SCEL: variants seen among roughly 807,000 people sequenced by gnomAD.
The protein encoded by SCEL is sciellin.
Under a neutral mutation model 117.6 loss-of-function variants are expected in SCEL, and 113 were observed. That is an observed-to-expected ratio of 0.96 (90% CI 0.83 to 1.12). SCEL has a LOEUF of 1.12. SCEL is among the 50% of genes most tolerant of loss of function. The probability of loss-of-function intolerance (pLI) is 0.00; values close to 1 mark genes in which losing one functional copy is unlikely to be tolerated. For missense variants in SCEL, 785 were observed against 810.8 expected, an observed-to-expected ratio of 0.97 and a Z score of 0.39; for synonymous variants, 270 against 256.2, an observed-to-expected ratio of 1.05 and a Z score of -0.51.
At position 77,609,076 on chromosome 13, in the gene SCEL, C is replaced by T. The variant is rs759327756; in HGVS notation, c.1236C>T (p.Asn412=). 1 of 1,593,354 alleles carries T rather than the reference C, an allele frequency of 6.3e-7. No individual in the cohort carries two copies. Among genetic ancestry groups the T allele is most frequent in the Middle Eastern group, 1.7e-4 (1 of 5,930 alleles). ...RSNQGSKDLN[N]FIKVYPGTEK... ...TTTGAAGTTCCAAAGACCTTAATAA[C>T]TTCATCAAAGTGTATCCAGGAACAG... The change falls in exon 21 of 33, where the codon AAC becomes AAT. Residue 412 remains asparagine (N), a synonymous_variant. Transcript: ENST00000349847.
chr13:77,616,266 ATT>A (rs1567423277), intron 24 of SCEL, among the ~76,000 whole-genome samples: 1 of 152,014 alleles, frequency 6.6e-6, no homozygotes. Context: ...ACTAACCAAT[ATT>A]GTGATTAATT....
chr13:77,627,843 A>G (rs2089822100), intron 27 of SCEL, 104 bp from the exon 28 acceptor site: 3 of 340,996 alleles, frequency 8.8e-6, no homozygotes, highest in Middle Eastern at 9.8e-4. Flanking sequence ...TAGACCACAA[A>G]TGACTGTGTC....
At chr13:77,572,313 T>G in intron 9 of SCEL, 124 bp downstream of exon 9, 3 of 728,610 alleles carry the variant, frequency 4.1e-6, no homozygotes, top group Non-Finnish European at 4.5e-6. Flanking sequence ...CTCTCAGCTC[T>G]GTACAGGAGA....
chr13:77,538,682 C>CT (rs2083540787), intron 1 of SCEL, among the ~76,000 whole-genome samples: 1 of 152,132 alleles, frequency 6.6e-6, no homozygotes, highest in African/African-American at 2.4e-5. Flanking sequence ...TCAATGACAA[C>CT]TGGTTTACTT....
intron 27 of SCEL, among the ~76,000 whole-genome samples, chr13:77,621,739 G>A (rs2089437190): frequency 6.6e-6 from 1 of 152,176 alleles, no homozygotes; most frequent in African/African-American, 2.4e-5. Flanking sequence ...CTTAGAGAAA[G>A]TCTAGCCTTC....
intron 9 of SCEL, among the ~76,000 whole-genome samples, chr13:77,580,993 T>G (rs2086233327): frequency 6.6e-6 from 1 of 152,172 alleles, no homozygotes; most frequent in African/African-American, 2.4e-5. Context: ...TATATTTTTC[T>G]GTCTGTAACT....
chr13:77,567,713 T>C lies in SCEL; in HGVS notation c.324T>C (p.Tyr108=), dbSNP rs752431553. 1.6e-5 allele frequency: 26 copies of C among 1,608,860 alleles called. No homozygotes were observed. The highest frequency in any genetic ancestry group is 1.6e-4 in the Middle Eastern group (1 of 6,068). Reference sequence around the variant, plus strand: ...ACAGAAATGATGCTGCTAAAACATATAAGGCCAATACCTTGGATAACCAAC... The same window carrying C: ...ACAGAAATGATGCTGCTAAAACATACAAGGCCAATACCTTGGATAACCAAC... ...ISDRNDAAKT[Y]KANTLDNQLT... Residue 108 remains tyrosine (Y), a synonymous_variant, in exon 6 of 33, where the codon TAT becomes TAC. Coordinates refer to ENST00000349847, the MANE Select transcript of SCEL (RefSeq NM_144777.3).
At chr13:77,593,300 G>GTGCGCGCGCGCGTC (rs1555510800) in intron 11 of SCEL, among the ~76,000 whole-genome samples, 26 of 145,228 alleles carry the variant, frequency 1.8e-4, no homozygotes, top group Non-Finnish European at 2.7e-4. Context: ...GTGTGTGTCT[G>GTGCGCGCGCGCGTC]TGTGTGTGTG....
chr13:77,602,131 C>G lies in SCEL; in HGVS notation c.977+7C>G. ...CTGACAAAAATGAGAAAGGGTAAGT[C>G]AATCTCCTACCTTGATGGAGCTCTT... On this transcript the variant is annotated splice_region_variant and intron_variant, in intron 16 of 32. Coordinates refer to ENST00000349847, the MANE Select transcript of SCEL (RefSeq NM_144777.3). The G allele has an allele frequency of 6.2e-7, 1 of 1,607,738 alleles. No homozygotes were observed. The highest frequency in any genetic ancestry group is 1.1e-5 in the South Asian group (1 of 90,136).
At chr13:77,557,500 A>AG in intron 3 of SCEL, among the ~76,000 whole-genome samples, 1 of 152,240 alleles carries the variant, frequency 6.6e-6, no homozygotes, top group East Asian at 1.9e-4. Context: ...AACACAACGT[A>AG]GGTGTTATAT....
intron 3 of SCEL, among the ~76,000 whole-genome samples, chr13:77,558,748 A>G (rs2084801339): frequency 6.8e-6 from 1 of 147,242 alleles, no homozygotes; most frequent in African/African-American, 2.5e-5. Flanking sequence ...CCGAGGAGGC[A>G]GAGGTTGCAG....
intron 24 of SCEL, 134 bp downstream of exon 24, chr13:77,614,089 C>T (rs1374551333): frequency 2.7e-6 from 2 of 749,688 alleles, no homozygotes; most frequent in East Asian, 2.7e-5. Context: ...ACCTAGATGT[C>T]TCAGTATTTG....
chr13:77,634,919 G>C (rs1307431273), intron 29 of SCEL, among the ~76,000 whole-genome samples: 1 of 152,154 alleles, frequency 6.6e-6, no homozygotes, highest in Non-Finnish European at 1.5e-5. Context: ...TCTGCTGCTT[G>C]GAGTGATGGA....
Position 77,642,820 on chromosome 13 carries a change from A to ATG in SCEL, c.2050+12_2050+13insTG. ...CTCTAAAATTATGGGTAAGTGTTACACTCTAAGCATTTAACACTTTGGTTA... is the reference window on the plus strand; with the variant it reads ...CTCTAAAATTATGGGTAAGTGTTACATGCTCTAAGCATTTAACACTTTGGTTA... On this transcript the variant is annotated intron_variant, in intron 32 of 32. Transcript: ENST00000349847. The ATG allele has an allele frequency of 6.9e-7, 1 of 1,444,846 alleles. No homozygotes were observed. Among genetic ancestry groups the ATG allele is most frequent in the Non-Finnish European group, 9.5e-7 (1 of 1,048,170 alleles). The allele number at this position is 1,444,846 out of a possible 1,614,324, so 89.5% of individuals were successfully genotyped here.
In SCEL at chr13:77,599,327, A is replaced by G. The variant is rs994232082; in HGVS notation, c.798-2A>G. On this transcript the variant is annotated splice_acceptor_variant, in intron 13 of 32. Coordinates refer to ENST00000349847, the MANE Select transcript of SCEL (RefSeq NM_144777.3). LOFTEE classifies it high-confidence loss of function. ...GGCTTTTTTAAATCAATACATTTAA[A>G]GGAATCAAGGTCTTGATAGTCTCTT... The G allele has an allele frequency of 1.2e-6, 2 of 1,608,242 alleles. No individual in the cohort carries two copies. Among genetic ancestry groups the G allele is most frequent in the Admixed American group, 1.7e-5 (1 of 59,414 alleles).
chr13:77,624,132 T>TCTCACC (rs1294370254), intron 27 of SCEL, among the ~76,000 whole-genome samples: 1 of 135,304 alleles, frequency 7.4e-6, no homozygotes, highest in Non-Finnish European at 1.6e-5. Context: ...TGAGATGGAG[T>TCTCACC]CTCACCCTCT....
chr13:77,614,747 C>G (rs1335696057), intron 24 of SCEL, among the ~76,000 whole-genome samples: 1 of 152,020 alleles, frequency 6.6e-6, no homozygotes, highest in Non-Finnish European at 1.5e-5. Flanking sequence ...AATTAAGACT[C>G]AGAAAGGTTA....
At position 77,644,174 on chromosome 13, in the gene SCEL, G is replaced by A. The variant is rs183086946; in HGVS notation, c.2051-84G>A. 154 of 1,418,962 alleles carry A rather than the reference G, an allele frequency of 1.1e-4. 1 individual carries two copies. The African/African-American group carries it at 1.4e-3, about 13-fold the overall frequency. The allele number at this position is 1,418,962 out of a possible 1,614,324, so 87.9% of individuals were successfully genotyped here. ...TGGAATCCTTAATCTACCACTACCCGTTGGGTGAATAATAGTCTGTAAATT... is the reference window on the plus strand; with the variant it reads ...TGGAATCCTTAATCTACCACTACCCATTGGGTGAATAATAGTCTGTAAATT... On this transcript the variant is annotated intron_variant, in intron 32 of 32. Coordinates refer to ENST00000349847, the MANE Select transcript of SCEL (RefSeq NM_144777.3).
intron 27 of SCEL, among the ~76,000 whole-genome samples, chr13:77,626,843 G>T (rs1250888364): frequency 1.3e-5 from 2 of 151,966 alleles, no homozygotes; most frequent in Non-Finnish European, 2.9e-5. Flanking sequence ...GTTTAGAATG[G>T]TTGACTAACT....
Sources: gnomAD v4.1 joint callset for allele counts (sites outside exome capture counted in the v4.1 genomes callset) on GRCh38, gnomAD v4.1.1 for gene constraint, MANE v1.5 for transcripts, NCBI Gene and HGNC (gene_info 2026-07-23, HGNC 2026-07-21) for gene names.